Variants in BCL7A observed in about 807,000 individuals in gnomAD.
BCL7A encodes BAF chromatin remodeling complex subunit BCL7A.
In BCL7A, 11 loss-of-function variants were observed where a neutral mutation model predicts 28.4. The observed-to-expected ratio is 0.39, with a 90% CI of 0.24 to 0.64. The LOEUF is 0.64. Among genes scored for constraint, BCL7A ranks in the 30% least tolerant of loss-of-function variants. The probability of loss-of-function intolerance (pLI) is 0.50; values close to 1 mark genes in which losing one functional copy is unlikely to be tolerated. For missense variants in BCL7A, 222 were observed against 274.8 expected (o/e 0.81, Z 1.36); for synonymous variants, 123 against 103.3 (o/e 1.19, Z -1.15).
chr12:122,021,949 T>C lies in BCL7A; in HGVS notation c.-143T>C. The stretch of plus-strand genomic sequence containing the variant: ...GTGTGTATGTGTGTGTGTGTGTGTG[T>C]GTGTGTGTGAGTGTGTGCGTGTGAG... On this transcript the variant is annotated 5_prime_UTR_variant, in exon 1 of 6. Transcript: ENST00000261822. 1 of 587,506 alleles carries C rather than the reference T, an allele frequency of 1.7e-6. No individual in the cohort carries two copies. 36.4% of individuals were successfully genotyped at this position (587,506 alleles called of 1,614,324 possible).
chr12:122,052,075 A>T (rs1195754201), intron 4 of BCL7A, among the ~76,000 whole-genome samples: 1 of 151,836 alleles, frequency 6.6e-6, no homozygotes, highest in African/African-American at 2.4e-5. Flanking sequence ...GGGTTTCACC[A>T]TGTTGGCCAG....
At chr12:122,050,006 G>A (rs930688950) in intron 4 of BCL7A, among the ~76,000 whole-genome samples, 5 of 152,098 alleles carry the variant, frequency 3.3e-5, no homozygotes, top group Non-Finnish European at 7.4e-5. Flanking sequence ...ACGGAGTCTC[G>A]CTGTGTCACC....
chr12:122,027,995 C>T (rs1021500667), intron 1 of BCL7A, among the ~76,000 whole-genome samples: 34 of 152,114 alleles, frequency 2.2e-4, no homozygotes, highest in Non-Finnish European at 3.4e-4. Context: ...CCGCTGAACC[C>T]GTGTGCCCAC....
At chr12:122,023,620 A>G (rs534657014) in intron 1 of BCL7A, among the ~76,000 whole-genome samples, 1 of 152,226 alleles carries the variant, frequency 6.6e-6, no homozygotes, top group African/African-American at 2.4e-5. Context: ...GGGACAAAGA[A>G]TTTTCAGAAC....
In BCL7A at chr12:122,043,935, G is replaced by A. The variant is rs1884012970; in HGVS notation, c.321G>A (p.Gln107=). 2.5e-6 allele frequency: 4 copies of A among 1,613,794 alleles called. No individual in the cohort carries two copies. The highest frequency in any genetic ancestry group is 2.2e-5 in the South Asian group (2 of 91,094). Residue 107 remains glutamine, a synonymous_variant, in exon 4 of 6, where the codon CAG becomes CAA. Coordinates refer to ENST00000261822, the MANE Select transcript of BCL7A (RefSeq NM_001024808.3). ...TCGCAGATGCCTCCCCCATCAAACA[G>A]GAGAACAGCAGCAACTCCAGCCCCG... ...SSIADASPIK[Q]ENSSNSSPAP... is the part of the protein sequence containing the mutation.
chr12:122,044,510 T>A (rs11043298), intron 4 of BCL7A: 43,289 of 151,722 alleles, frequency 0.29, 7,184 homozygotes, highest in East Asian at 0.58. Context: ...CCTGTCTCAA[T>A]AATAAGTAAA....
At chr12:122,048,910 AC>A (rs1884130322) in intron 4 of BCL7A, among the ~76,000 whole-genome samples, 1 of 151,068 alleles carries the variant, frequency 6.6e-6, no homozygotes, top group South Asian at 2.1e-4. Context: ...AATCCCAGCT[AC>A]TCGGGAAGCT....
chr12:122,023,822 A>C (rs1883539822), intron 1 of BCL7A, among the ~76,000 whole-genome samples: 1 of 152,120 alleles, frequency 6.6e-6, no homozygotes, highest in Admixed American at 6.5e-5. Flanking sequence ...GGAAGCCCGG[A>C]GTTGCTCCCC....
chr12:122,045,693 G>C (rs1884061977), intron 4 of BCL7A, among the ~76,000 whole-genome samples: 1 of 152,034 alleles, frequency 6.6e-6, no homozygotes, highest in Admixed American at 6.6e-5. Flanking sequence ...GTTGGCTTTT[G>C]GGTTTCTTTT....
intron 1 of BCL7A, among the ~76,000 whole-genome samples, chr12:122,025,361 C>T (rs1279990367): frequency 1.3e-5 from 2 of 152,092 alleles, no homozygotes; most frequent in East Asian, 3.9e-4. Context: ...CGCGGTGGCT[C>T]ACGCCTGTAA....
At chr12:122,032,615 G>A (rs990176054) in intron 2 of BCL7A, among the ~76,000 whole-genome samples, 5 of 152,194 alleles carry the variant, frequency 3.3e-5, no homozygotes, top group African/African-American at 1.2e-4. Context: ...TTTGGAGGCA[G>A]ACAGACCAGC....
Position 122,059,180 on chromosome 12 carries a change from T to A in BCL7A, c.*17T>A. ...GAGATGTAGACGATGCTTTAAAGCC[T>A]CCGATCCATGTTCCATGGAAGGTAC... On this transcript the variant is annotated 3_prime_UTR_variant, in exon 6 of 6. Coordinates refer to ENST00000261822, the MANE Select transcript of BCL7A (RefSeq NM_001024808.3). This position sits in a 1 kb window ranked among gnomAD's most constrained non-coding sequence, Gnocchi z 4.0. 6.3e-7 allele frequency: 1 copy of A among 1,599,496 alleles called. No individual in the cohort carries two copies. Among genetic ancestry groups the A allele is most frequent in the Non-Finnish European group, 8.6e-7 (1 of 1,166,720 alleles).
chr12:122,026,557 G>A (rs1051651448), intron 1 of BCL7A, among the ~76,000 whole-genome samples: 2 of 152,254 alleles, frequency 1.3e-5, no homozygotes, highest in African/African-American at 2.4e-5. Context: ...AAGAGCTCCC[G>A]TCTGTCCCAG....
chr12:122,052,927 C>A (rs12230227), intron 4 of BCL7A, among the ~76,000 whole-genome samples: 3 of 138,134 alleles, frequency 2.2e-5, no homozygotes, highest in Non-Finnish European at 4.5e-5. Flanking sequence ...TGACCTCAGC[C>A]GATCCACCCA....
intron 1 of BCL7A, among the ~76,000 whole-genome samples, chr12:122,024,142 G>T (rs1317765960): frequency 1.3e-5 from 2 of 152,228 alleles, no homozygotes; most frequent in Admixed American, 6.5e-5. Context: ...GCCTGTAGTT[G>T]GAGCTTGAGG....
At chr12:122,023,721 G>A (rs1671593682) in intron 1 of BCL7A, among the ~76,000 whole-genome samples, 1 of 152,136 alleles carries the variant, frequency 6.6e-6, no homozygotes, top group African/African-American at 2.4e-5. Flanking sequence ...TGCCCGACTG[G>A]AGCCATTTAA....
chr12:122,030,568 A>G lies in BCL7A; in HGVS notation c.93-132A>G, dbSNP rs563364316. On this transcript the variant is annotated intron_variant, in intron 1 of 5. Coordinates refer to ENST00000261822, the MANE Select transcript of BCL7A (RefSeq NM_001024808.3). ...TGTGGCCTGCCCAGGGCCTCCCGCTAGTGAGGGTGGAGCTGGGATTCCAAC... is the reference window on the plus strand; with the variant it reads ...TGTGGCCTGCCCAGGGCCTCCCGCTGGTGAGGGTGGAGCTGGGATTCCAAC... The G allele has an allele frequency of 6.3e-6, 5 of 797,840 alleles. No individual in the cohort carries two copies. In the Admixed American group the frequency reaches 1.0e-4, roughly 16 times the overall value. The allele number at this position is 797,840 out of a possible 1,614,324, so 49.4% of individuals were successfully genotyped here.
chr12:122,025,626 CAA>C (rs1225688378), intron 1 of BCL7A, among the ~76,000 whole-genome samples: 4 of 125,772 alleles, frequency 3.2e-5, no homozygotes, highest in African/African-American at 2.9e-5. Context: ...GACTCCATCT[CAA>C]AAAAAAAAAA....
At chr12:122,041,117 G>A (rs1184499856) in intron 3 of BCL7A, among the ~76,000 whole-genome samples, 1 of 152,076 alleles carries the variant, frequency 6.6e-6, no homozygotes. Flanking sequence ...TTACCCGTGT[G>A]GGGCCGCCTG....
Sources: gnomAD v4.1 joint callset for allele counts (sites outside exome capture counted in the v4.1 genomes callset) on GRCh38, gnomAD v4.1.1 for gene constraint, Gnocchi (gnomAD v3.1) non-coding constraint, MANE v1.5 for transcripts, NCBI Gene and HGNC (gene_info 2026-07-23, HGNC 2026-07-21) for gene names.